The following ZC3H3 variants were observed in gnomAD, a reference collection of about 807,000 sequenced individuals.
ZC3H3 encodes zinc finger CCCH-type containing 3, also known as zinc finger CCCH domain-containing protein 3.
In ZC3H3, 36 loss-of-function variants were observed where a neutral mutation model predicts 77.3. That is an observed-to-expected ratio of 0.47 (90% CI 0.36 to 0.61). The LOEUF (loss-of-function observed/expected upper bound fraction) is 0.61. Ranked by LOEUF, ZC3H3 falls within the 20% of genes least tolerant of loss-of-function variation. The pLI, the probability that ZC3H3 is intolerant of heterozygous loss-of-function variation, is 0.00. For synonymous variants in ZC3H3, 626 were observed against 555.2 expected, an observed-to-expected ratio of 1.13 and a Z score of -1.79; for missense variants, 1,331 against 1,312.2, an observed-to-expected ratio of 1.01 and a Z score of -0.22.
chr8:143,454,553 C>G (rs1820065831), intron 9 of ZC3H3, among the ~76,000 whole-genome samples: 1 of 151,944 alleles, frequency 6.6e-6, no homozygotes, highest in Non-Finnish European at 1.5e-5. Flanking sequence ...CTACAGGCGC[C>G]TGCCACCATG....
chr8:143,454,551 G>A (rs748147069), intron 9 of ZC3H3, among the ~76,000 whole-genome samples: 5 of 151,820 alleles, frequency 3.3e-5, no homozygotes, highest in African/African-American at 7.3e-5. Flanking sequence ...GACTACAGGC[G>A]CCTGCCACCA....
intron 11 of ZC3H3, among the ~76,000 whole-genome samples, chr8:143,439,144 C>T (rs1819658408): frequency 6.6e-6 from 1 of 151,932 alleles, no homozygotes; most frequent in Admixed American, 6.5e-5. Context: ...CCTCGGGGCC[C>T]CATCTGCTCC....
Position 143,472,776 on chromosome 8 carries a change from CT to C in ZC3H3, c.1903+2621del, listed in dbSNP as rs372262982. Among the ~76,000 whole-genome samples, 77 of 152,356 alleles carry C rather than the reference CT, an allele frequency of 5.1e-4. 1 individual carries two copies. In the South Asian group the frequency reaches 0.015, roughly 29 times the overall value. On this transcript the variant is annotated intron_variant, in intron 5 of 11. Coordinates refer to ENST00000262577, the MANE Select transcript of ZC3H3 (RefSeq NM_015117.3). ...GGAGACGGACCCATGCCACAAGCCC[CT>C]CCGTGGGTCCCGCGGGTGCACGGTG...
rs1822555882 is a variant in ZC3H3, at chr8:143,530,153, C to T, written c.1561+6104G>A. Among the ~76,000 whole-genome samples the T allele has an allele frequency of 6.6e-6, 1 of 152,144 alleles. No individual in the cohort carries two copies. Among genetic ancestry groups the T allele is most frequent in the East Asian group, 1.9e-4 (1 of 5,172 alleles). Reference sequence around the variant, plus strand: ...GCCTGGGCAGCCGGCAGGCCTCGACCCAGCCTGGTTGTCCACACGAGACCA... The same window carrying T: ...GCCTGGGCAGCCGGCAGGCCTCGACTCAGCCTGGTTGTCCACACGAGACCA... On this transcript the variant is annotated intron_variant, in intron 3 of 11. Coordinates refer to ENST00000262577, the MANE Select transcript of ZC3H3 (RefSeq NM_015117.3). The surrounding 1 kb of genome is among the most constrained non-coding windows in gnomAD (Gnocchi z 4.3).
chr8:143,541,285 G>C, intron 1 of ZC3H3, 91 bp downstream of exon 1: 1 of 1,584,608 alleles, frequency 6.3e-7, no homozygotes, highest in South Asian at 1.1e-5. Context: ...CACGCGGGCG[G>C]TGAGCGACCC....
At chr8:143,536,037 C>T (rs141957105) in intron 3 of ZC3H3, among the ~76,000 whole-genome samples, 3 of 152,336 alleles carry the variant, frequency 2.0e-5, no homozygotes, top group Non-Finnish European at 2.9e-5. Flanking sequence ...GAGGCCACAG[C>T]ACCTGCCCAG....
At position 143,541,405 on chromosome 8, in the gene ZC3H3, A is replaced by T; in HGVS notation, c.17T>A (p.Ile6Lys). 1 of 1,611,862 alleles carries T rather than the reference A, an allele frequency of 6.2e-7. No individual in the cohort carries two copies. Among genetic ancestry groups the T allele is most frequent in the Non-Finnish European group, 8.5e-7 (1 of 1,179,436 alleles). Residue 6 changes from isoleucine to lysine, a missense_variant, in exon 1 of 12, where the codon ATA (isoleucine) becomes AAA (lysine). By Grantham distance (102) the Ile-to-Lys change is moderately radical. Around this residue, in one of 3 missense-constraint regions of ZC3H3, gnomAD observed 978 missense variants for 915.5 expected, o/e 1.07. Transcript: ENST00000262577. ...CAGTAGGCGGATCTGCCGCCGTAATATCTCCTTTTCCTCCATCTCCCGAGT... is the reference window on the plus strand; with the variant it reads ...CAGTAGGCGGATCTGCCGCCGTAATTTCTCCTTTTCCTCCATCTCCCGAGT... MEEKE[I>K]LRRQIRLLQG...
chr8:143,451,652 T>C (rs932057996), intron 9 of ZC3H3, among the ~76,000 whole-genome samples: 11 of 151,710 alleles, frequency 7.3e-5, no homozygotes, highest in African/African-American at 2.7e-4. Context: ...TGCATGGTGG[T>C]GCACACCTGT....
rs1378484531 is a variant in ZC3H3, at chr8:143,541,373, T to G, written c.46+3A>C. On this transcript the variant is annotated splice_donor_region_variant and intron_variant, in intron 1 of 11. Transcript: ENST00000262577. ...CTCGCGTCCCGGCCCCGGCCGGACC[T>G]ACCCTGCAGTAGGCGGATCTGCCGC... 3 of 1,610,200 alleles carry G rather than the reference T, an allele frequency of 1.9e-6. No homozygotes were observed. The South Asian group carries it at 3.3e-5, about 18-fold the overall frequency.
intron 4 of ZC3H3, among the ~76,000 whole-genome samples, chr8:143,486,868 G>C (rs376653829): frequency 3.0e-3 from 196 of 64,804 alleles, no homozygotes; most frequent in African/African-American, 0.013. Flanking sequence ...ACGAAGCTCA[G>C]ACACAGAACA....
chr8:143,479,926 G>A (rs1194611238), intron 4 of ZC3H3, among the ~76,000 whole-genome samples: 4 of 152,206 alleles, frequency 2.6e-5, no homozygotes, highest in Non-Finnish European at 5.9e-5. Flanking sequence ...TGCCTTAGGA[G>A]TAGCTGGAAA....
chr8:143,533,020 T>A lies in ZC3H3; in HGVS notation c.1561+3237A>T, dbSNP rs1822669802. Among the ~76,000 whole-genome samples the A allele has an allele frequency of 6.6e-6, 1 of 152,094 alleles. No individual in the cohort carries two copies. The highest frequency in any genetic ancestry group is 1.5e-5 in the Non-Finnish European group (1 of 68,004). On this transcript the variant is annotated intron_variant, in intron 3 of 11. Coordinates refer to ENST00000262577, the MANE Select transcript of ZC3H3 (RefSeq NM_015117.3). This position sits in a 1 kb window ranked among gnomAD's most constrained non-coding sequence, Gnocchi z 4.0. ...GCTCCTTGGCCTGGCGTCAGTGGCC[T>A]CACGCACAGGTCCTCCCGACTCTGC...
chr8:143,484,971 C>T (rs116746172), intron 4 of ZC3H3: 105 of 425,332 alleles, frequency 2.5e-4, no homozygotes, highest in African/African-American at 1.9e-3. Flanking sequence ...GGGAAAACCA[C>T]AATAAAAACC....
chr8:143,481,607 G>A (rs931500376), intron 4 of ZC3H3, among the ~76,000 whole-genome samples: 10 of 152,182 alleles, frequency 6.6e-5, no homozygotes, highest in South Asian at 2.1e-4. Flanking sequence ...CGGTGGAGCC[G>A]GCGAGGGGAC....
intron 3 of ZC3H3, among the ~76,000 whole-genome samples, chr8:143,532,947 G>A (rs763971585): frequency 1.5e-4 from 23 of 152,286 alleles, no homozygotes; most frequent in Non-Finnish European, 2.1e-4. Flanking sequence ...TCTCACCTCC[G>A]CGCACATCTC....
rs566226711 is a variant in ZC3H3 at position 143,472,698 on chromosome 8, G to A, written c.1903+2700C>T. On this transcript the variant is annotated intron_variant, in intron 5 of 11. Coordinates refer to ENST00000262577, the MANE Select transcript of ZC3H3 (RefSeq NM_015117.3). ...CACAGGCCCACCCAGCCCAACAAAC[G>A]TGGGCCACAGGATCCCGGCGAGGGC... Among the ~76,000 whole-genome samples the A allele has an allele frequency of 2.1e-4, 32 of 152,328 alleles. No homozygotes were observed. In the South Asian group the frequency reaches 5.2e-3, roughly 25 times the overall value.
In ZC3H3 at chr8:143,538,022, G is replaced by T; in HGVS notation, c.1345C>A (p.Arg449=). The T allele has an allele frequency of 6.2e-7, 1 of 1,607,478 alleles. No homozygotes were observed. The highest frequency in any genetic ancestry group is 8.5e-7 in the Non-Finnish European group (1 of 1,176,666). The change falls in exon 2 of 12, where the codon CGG becomes AGG. Residue 449 remains arginine, a synonymous_variant. Transcript: ENST00000262577. ...YKVKSRTKII[R]RRSSTSLPGD... is the part of the protein sequence containing the mutation. ...GCCCACCTTGTGCTGCTGCGTCTCC[G>T]GATGATCTTGGTGCGGCTCTTCACT... is the stretch of plus-strand genomic sequence containing the variant.
At chr8:143,536,170 G>T in intron 3 of ZC3H3, 87 bp downstream of exon 3, 1 of 1,447,656 alleles carries the variant, frequency 6.9e-7, no homozygotes, top group Non-Finnish European at 9.2e-7. Flanking sequence ...GCATGAGGCA[G>T]GGAAGGTGCC....
intron 3 of ZC3H3, among the ~76,000 whole-genome samples, chr8:143,516,565 ACATACACACACACACT>A (rs1378906664): frequency 6.3e-5 from 6 of 95,342 alleles, no homozygotes; most frequent in Admixed American, 1.1e-4. Context: ...ACACACACAC[ACATACACACACACACT>A]CACTCTCATG....
Sources: allele counts gnomAD v4.1 joint callset (sites outside exome capture counted in the v4.1 genomes callset), GRCh38; gene constraint gnomAD v4.1.1; regional missense constraint gnomAD v4.1.1; non-coding constraint Gnocchi (gnomAD v3.1); transcripts MANE v1.5; gene names NCBI Gene and HGNC (gene_info 2026-07-23, HGNC 2026-07-21).